Variants in TNFAIP8 observed in about 807,000 individuals in gnomAD.
TNFAIP8 encodes tumor necrosis factor alpha-induced protein 8.
TNFAIP8 carries 7 observed loss-of-function variants against 13.3 expected under a neutral mutation model. The observed-to-expected ratio is 0.52, with a 90% CI of 0.30 to 0.99. TNFAIP8 has a LOEUF of 0.99. Among genes scored for constraint, TNFAIP8 ranks in the 50% least tolerant of loss-of-function variants. The probability of loss-of-function intolerance (pLI) is 0.07; values close to 1 mark genes in which losing one functional copy is unlikely to be tolerated. For synonymous variants in TNFAIP8, 94 were observed against 87.6 expected (o/e 1.07, Z -0.41); for missense variants, 258 against 236.9 (o/e 1.09, Z -0.58).
intron 1 of TNFAIP8, among the ~76,000 whole-genome samples, chr5:119,384,597 C>T (rs1186869635): frequency 6.6e-6 from 1 of 152,196 alleles, no homozygotes; most frequent in Non-Finnish European, 1.5e-5. Flanking sequence ...TCACTGTAAT[C>T]ATTATTGCCT....
intron 1 of TNFAIP8, among the ~76,000 whole-genome samples, chr5:119,310,705 T>C (rs1749701415): frequency 6.6e-6 from 1 of 152,162 alleles, no homozygotes; most frequent in African/African-American, 2.4e-5. Context: ...CACGTGCCTG[T>C]AATCCCAGTT....
chr5:119,339,253 G>GCCTCT (rs1218447599), intron 1 of TNFAIP8, among the ~76,000 whole-genome samples: 1 of 152,150 alleles, frequency 6.6e-6, no homozygotes, highest in African/African-American at 2.4e-5. Context: ...CATTTCTGAT[G>GCCTCT]CCTCAGTGAC....
At position 119,394,303 on chromosome 5, in the gene TNFAIP8, A is replaced by T. The variant is rs1264149523; in HGVS notation, c.*922A>T. On this transcript the variant is annotated 3_prime_UTR_variant, in exon 2 of 2. Transcript: ENST00000504771. ...GAATGAGGGGCAAAAGGGGAGAAAT[A>T]CTGCTAAAGAACATGAGCATAAAAA... The T allele has an allele frequency of 6.6e-6, 1 of 152,234 alleles. No homozygotes were observed. Among genetic ancestry groups the T allele is most frequent in the African/African-American group, 2.4e-5 (1 of 41,452 alleles). 9.4% of individuals were successfully genotyped at this position (152,234 alleles called of 1,614,324 possible).
chr5:119,278,376 A>AGTGTGTGTGTGTGT lies in TNFAIP8; in HGVS notation c.1+9501_1+9514dup, dbSNP rs71591297. On this transcript the variant is annotated intron_variant, in intron 1 of 1. Transcript: ENST00000274456. ...GGGAGAGAGAGAGAGAGAGAGAGAG[A>AGTGTGTGTGTGTGT]GTGTGTGTGTGTGTGTGTGTGTGTG... Among the ~76,000 whole-genome samples the AGTGTGTGTGTGTGT allele has an allele frequency of 1.7e-4, 18 of 108,238 alleles. No homozygotes were observed. In the East Asian group the frequency reaches 4.6e-3, roughly 28 times the overall value. 71.0% of individuals were successfully genotyped at this position (108,238 alleles called of 152,430 possible). A position where few individuals can be genotyped will look rare whatever the true frequency, so the allele number is the denominator to read the frequency against.
At chr5:119,376,341 C>G (rs960726986) in intron 1 of TNFAIP8, among the ~76,000 whole-genome samples, 5 of 150,324 alleles carry the variant, frequency 3.3e-5, no homozygotes, top group Admixed American at 6.6e-5. Context: ...TCTCGAACTG[C>G]TCTCTGTCAC....
chr5:119,278,238 C>T (rs894730008), intron 1 of TNFAIP8, among the ~76,000 whole-genome samples: 6 of 152,086 alleles, frequency 3.9e-5, no homozygotes, highest in Non-Finnish European at 8.8e-5. Flanking sequence ...TATCTATTCT[C>T]ATCCTTAGCA....
chr5:119,305,883 A>T (rs1327005906), intron 1 of TNFAIP8, among the ~76,000 whole-genome samples: 2 of 152,132 alleles, frequency 1.3e-5, no homozygotes, highest in African/African-American at 4.8e-5. Flanking sequence ...ACTGCCCTAA[A>T]ATCTCCATCC....
chr5:119,305,453 G>A (rs1330648800), intron 1 of TNFAIP8, among the ~76,000 whole-genome samples: 1 of 152,108 alleles, frequency 6.6e-6, no homozygotes, highest in East Asian at 1.9e-4. Flanking sequence ...TTTGGGCCTG[G>A]GTGTGGTGGT....
upstream of TNFAIP8, chr5:119,355,993 A>G: frequency 5.9e-6 from 9 of 1,520,232 alleles, no homozygotes; most frequent in South Asian, 9.6e-5. Context: ...TCTTCCTTTT[A>G]TTTTCCGTCG....
At chr5:119,370,606 G>A (rs1752037591) in intron 1 of TNFAIP8, among the ~76,000 whole-genome samples, 1 of 152,244 alleles carries the variant, frequency 6.6e-6, no homozygotes, top group Non-Finnish European at 1.5e-5. Flanking sequence ...GCAGAAGGGT[G>A]CAAAACACTG....
intron 1 of TNFAIP8, among the ~76,000 whole-genome samples, chr5:119,374,306 A>G (rs989935231): frequency 3.3e-5 from 5 of 152,186 alleles, no homozygotes; most frequent in African/African-American, 4.8e-5. Flanking sequence ...AGTGAGTGCC[A>G]TATCAGCTCT....
intron 1 of TNFAIP8, among the ~76,000 whole-genome samples, chr5:119,320,082 C>T (rs1329407645): frequency 6.6e-6 from 1 of 152,104 alleles, no homozygotes; most frequent in African/African-American, 2.4e-5. Context: ...GTCAAGACGA[C>T]TACTGGGAGG....
intron 1 of TNFAIP8, among the ~76,000 whole-genome samples, chr5:119,325,854 G>A (rs796940971): frequency 9.2e-5 from 14 of 152,304 alleles, no homozygotes; most frequent in African/African-American, 3.1e-4. Context: ...CCTGTCTCGG[G>A]CTGTAGCACT....
intron 1 of TNFAIP8, among the ~76,000 whole-genome samples, chr5:119,277,135 A>C (rs556925385): frequency 6.6e-6 from 1 of 152,224 alleles, no homozygotes; most frequent in East Asian, 1.9e-4. Context: ...TACTGCACTC[A>C]CCTGTTTTCA....
chr5:119,379,018 T>C (rs1439907721), intron 1 of TNFAIP8, among the ~76,000 whole-genome samples: 1 of 152,184 alleles, frequency 6.6e-6, no homozygotes, highest in Non-Finnish European at 1.5e-5. Flanking sequence ...AGTTATGATC[T>C]GGCTACTGCA....
chr5:119,278,714 C>T (rs1748541268), intron 1 of TNFAIP8, among the ~76,000 whole-genome samples: 1 of 152,118 alleles, frequency 6.6e-6, no homozygotes, highest in African/African-American at 2.4e-5. Context: ...CATCAGTATT[C>T]CTGATACTAA....
rs1749047787 is a variant in TNFAIP8 at position 119,293,043 on chromosome 5, AG to A, written c.1+24137del. On this transcript the variant is annotated intron_variant, in intron 1 of 1. Transcript: ENST00000274456. Reference sequence around the variant, plus strand: ...CATCTGTGTTGTCACCAATGGCAGGAGTCCTTTTTAATTTTGTTTTTAAATT... The same window carrying A: ...CATCTGTGTTGTCACCAATGGCAGGATCCTTTTTAATTTTGTTTTTAAATT... Among the ~76,000 whole-genome samples the A allele has an allele frequency of 2.0e-5, 3 of 152,066 alleles. 1 individual carries two copies. The South Asian group carries it at 6.2e-4, about 32-fold the overall frequency.
intron 1 of TNFAIP8, among the ~76,000 whole-genome samples, chr5:119,296,746 CA>C (rs1170833825): frequency 6.6e-6 from 1 of 152,010 alleles, no homozygotes; most frequent in African/African-American, 2.4e-5. Context: ...GCTGTGAATC[CA>C]TCTGGTCCTG....
At chr5:119,390,287 G>A (rs931878956) in intron 1 of TNFAIP8, among the ~76,000 whole-genome samples, 2 of 151,972 alleles carry the variant, frequency 1.3e-5, no homozygotes, top group Non-Finnish European at 2.9e-5. Context: ...AAATGGTTGG[G>A]TATCCCTATA....
Sources: allele counts gnomAD v4.1 joint callset (sites outside exome capture counted in the v4.1 genomes callset), GRCh38; gene constraint gnomAD v4.1.1; transcripts MANE v1.5; gene names NCBI Gene and HGNC (gene_info 2026-07-23, HGNC 2026-07-21).